MAP2K1: variants seen among roughly 807,000 people sequenced by gnomAD.
The protein encoded by MAP2K1 is dual specificity mitogen-activated protein kinase kinase 1.
A neutral mutation model predicts 46.3 loss-of-function variants in MAP2K1; 16 were observed. The ratio of observed to expected loss-of-function variants is 0.35; its 90% CI spans 0.23 to 0.52. The LOEUF (loss-of-function observed/expected upper bound fraction) is 0.52. Ranked by LOEUF, MAP2K1 falls within the 20% of genes least tolerant of loss-of-function variation. MAP2K1 has a pLI of 0.94. For synonymous variants in MAP2K1, 183 were observed against 185.6 expected (o/e 0.99, Z 0.11); for missense variants, 263 against 497.1 (o/e 0.53, Z 4.48).
At chr15:66,456,827 G>A (rs1595872265) in intron 5 of MAP2K1, among the ~76,000 whole-genome samples, 1 of 152,228 alleles carries the variant, frequency 6.6e-6, no homozygotes, top group Non-Finnish European at 1.5e-5. Flanking sequence ...ATGCTGGGGA[G>A]GAGTGTATCC....
At chr15:66,456,799 C>A (rs192119450) in intron 5 of MAP2K1, among the ~76,000 whole-genome samples, 440 of 152,244 alleles carry the variant, frequency 2.9e-3, no homozygotes, top group African/African-American at 0.01. Context: ...TTGATGAACA[C>A]CCTAGCAGAA....
intron 5 of MAP2K1, among the ~76,000 whole-genome samples, chr15:66,452,217 G>A (rs1356009384): frequency 1.5e-5 from 2 of 135,068 alleles, no homozygotes; most frequent in African/African-American, 2.8e-5. Context: ...CAGCGCACCA[G>A]CATGGCACAT....
chr15:66,483,748 C>CTTTTTTTT (rs750947705), intron 6 of MAP2K1, among the ~76,000 whole-genome samples: 6 of 131,124 alleles, frequency 4.6e-5, no homozygotes, highest in Non-Finnish European at 6.4e-5. Context: ...CATACATTTT[C>CTTTTTTTT]TTTTTTTTTT....
At chr15:66,445,186 C>G (rs1362697387) in intron 5 of MAP2K1, among the ~76,000 whole-genome samples, 1 of 151,738 alleles carries the variant, frequency 6.6e-6, no homozygotes, top group Non-Finnish European at 1.5e-5. Context: ...GTCAGGAGTT[C>G]GAAACCAGCC....
At chr15:66,441,075 G>A (rs1409372440) in intron 3 of MAP2K1, among the ~76,000 whole-genome samples, 5 of 152,082 alleles carry the variant, frequency 3.3e-5, no homozygotes, top group African/African-American at 9.7e-5. Flanking sequence ...CAGTCCTCCC[G>A]CCTTAGCCTC....
chr15:66,435,251 G>A lies in MAP2K1; in HGVS notation c.291+14G>A, dbSNP rs1217523374. 1 of 1,607,510 alleles carries A rather than the reference G, an allele frequency of 6.2e-7. No homozygotes were observed. The highest frequency in any genetic ancestry group is 8.5e-7 in the Non-Finnish European group (1 of 1,174,590). On this transcript the variant is annotated intron_variant, in intron 2 of 10. Coordinates refer to ENST00000307102, the MANE Select transcript of MAP2K1 (RefSeq NM_002755.4). ...ATGGCCAGAAAGGTGAGTTTGCCTTGATTAACAGGTAATTGGATTATTTCT... is the reference window on the plus strand; with the variant it reads ...ATGGCCAGAAAGGTGAGTTTGCCTTAATTAACAGGTAATTGGATTATTTCT...
At chr15:66,420,773 ATATG>A (rs1567003052) in intron 1 of MAP2K1, among the ~76,000 whole-genome samples, 8,298 of 34,602 alleles carry the variant, frequency 0.24, 2,008 homozygotes, top group Non-Finnish European at 0.41. Flanking sequence ...GTGTGTATAT[ATATG>A]TGTATATATA....
At chr15:66,479,298 A>G (rs143258112) in intron 5 of MAP2K1, among the ~76,000 whole-genome samples, 28 of 151,920 alleles carry the variant, frequency 1.8e-4, no homozygotes, top group Non-Finnish European at 2.9e-5. Flanking sequence ...AGGTTTCACC[A>G]TGTTGGCCAG....
intron 1 of MAP2K1, among the ~76,000 whole-genome samples, chr15:66,421,596 T>C (rs567504254): frequency 3.3e-5 from 5 of 151,716 alleles, no homozygotes; most frequent in Non-Finnish European, 7.4e-5. Context: ...AGGTCAGGAA[T>C]TGGGGACGAG....
intron 1 of MAP2K1, among the ~76,000 whole-genome samples, chr15:66,408,859 T>C (rs6494572): frequency 1 from 151,514 of 152,260 alleles, 75,392 homozygotes; most frequent in Middle Eastern, 1. Flanking sequence ...CCACCCCATC[T>C]GGGCAGCGGT....
At chr15:66,463,583 A>G (rs1186044349) in intron 5 of MAP2K1, among the ~76,000 whole-genome samples, 3 of 152,204 alleles carry the variant, frequency 2.0e-5, no homozygotes, top group African/African-American at 7.2e-5. Flanking sequence ...CCTGGGTTCA[A>G]GCGATTCTCC....
chr15:66,430,899 A>G (rs2093473481), intron 1 of MAP2K1, among the ~76,000 whole-genome samples: 1 of 152,186 alleles, frequency 6.6e-6, no homozygotes. Flanking sequence ...AAAGCAAATG[A>G]CAACCCTTGT....
chr15:66,434,444 G>A (rs1755679186), intron 1 of MAP2K1, among the ~76,000 whole-genome samples: 2 of 152,098 alleles, frequency 1.3e-5, no homozygotes, highest in African/African-American at 4.8e-5. Context: ...TTAAAGAATG[G>A]GCGAATGAAT....
intron 5 of MAP2K1, among the ~76,000 whole-genome samples, chr15:66,448,163 A>AAC (rs1891928114): frequency 2.1e-5 from 2 of 94,006 alleles, no homozygotes; most frequent in South Asian, 4.1e-4. Flanking sequence ...AAAAAAAAAA[A>AAC]AAAAAAAAAA....
At chr15:66,481,252 C>T (rs1892907687) in intron 5 of MAP2K1, among the ~76,000 whole-genome samples, 1 of 152,156 alleles carries the variant, frequency 6.6e-6, no homozygotes, top group Non-Finnish European at 1.5e-5. Context: ...AAGAAAAAGA[C>T]CCACATGCTC....
chr15:66,413,693 A>G (rs1393019417), intron 1 of MAP2K1, among the ~76,000 whole-genome samples: 1 of 151,454 alleles, frequency 6.6e-6, no homozygotes, highest in African/African-American at 2.4e-5. Context: ...AGTTTGGGGG[A>G]TACTTCCAGC....
chr15:66,482,051 G>A (rs1892926821), intron 6 of MAP2K1, among the ~76,000 whole-genome samples, 172 bp downstream of exon 6: 1 of 152,156 alleles, frequency 6.6e-6, no homozygotes, highest in Non-Finnish European at 1.5e-5. Context: ...GATGGTCTTG[G>A]TCTTTCTTAG....
chr15:66,478,460 A>ATATATATATATATACAGGTG (rs1206178524), intron 5 of MAP2K1, among the ~76,000 whole-genome samples: 1 of 130,174 alleles, frequency 7.7e-6, no homozygotes, highest in African/African-American at 2.6e-5. Flanking sequence ...ATATACAGGT[A>ATATATATATATATACAGGTG]TATATATATA....
intron 3 of MAP2K1, among the ~76,000 whole-genome samples, chr15:66,440,385 C>A (rs753909241): frequency 2.0e-5 from 3 of 152,202 alleles, no homozygotes; most frequent in Non-Finnish European, 4.4e-5. Flanking sequence ...AGCCACCACG[C>A]CTGGCCCTGG....
Sources: allele counts gnomAD v4.1 joint callset (sites outside exome capture counted in the v4.1 genomes callset), GRCh38; gene constraint gnomAD v4.1.1; transcripts MANE v1.5; gene names NCBI Gene and HGNC (gene_info 2026-07-23, HGNC 2026-07-21).